The following TBL1X variants were observed in gnomAD, a reference collection of about 807,000 sequenced individuals.
The protein encoded by TBL1X is F-box-like/WD repeat-containing protein TBL1X.
In TBL1X, 10 loss-of-function variants were observed where a neutral mutation model predicts 50.7. The observed-to-expected ratio is 0.20, with a 90% CI of 0.12 to 0.33. The LOEUF is 0.33. Among genes scored for constraint, TBL1X ranks in the 10% least tolerant of loss-of-function variants. The pLI is 1.00. For missense variants in TBL1X, 340 were observed against 504.4 expected (o/e 0.67, Z 3.12); for synonymous variants, 190 against 214.7 (o/e 0.88, Z 1.01).
At position 9,655,130 on chromosome X, in the gene TBL1X, G is replaced by A. The variant is rs187288420; in HGVS notation, c.211+808G>A. On this transcript the variant is annotated intron_variant, in intron 5 of 17. Transcript: ENST00000645353. ...CTCCACGTGTTTATTACACACAGCC[G>A]TTTTCCTAAGCGACATACGGTGCAG... is the stretch of plus-strand genomic sequence containing the variant. 2.0e-3 allele frequency among the ~76,000 whole-genome samples: 227 copies of A among 111,362 alleles called. 1 individual carries two copies. The highest frequency in any genetic ancestry group is 6.4e-3 in the African/African-American group (197 of 30,590).
At chrX:9,652,125 T>C (rs746910020) in intron 3 of TBL1X, among the ~76,000 whole-genome samples, 1 of 112,335 alleles carries the variant, frequency 8.9e-6, no homozygotes, top group Non-Finnish European at 1.9e-5. Context: ...ATTCAGTTCC[T>C]GTGGCTGCAG....
chrX:9,651,011 CTTTTTTTTTTTTTTTTTTTTTTTT>C (rs572743375), intron 3 of TBL1X, among the ~76,000 whole-genome samples: 1 of 30,915 alleles, frequency 3.2e-5, no homozygotes, highest in African/African-American at 1.4e-4. Context: ...AGCTGCCAGC[CTTTTTTTTTTTTTTTTTTTTTTTT>C]TTTTTTTTTT....
In TBL1X at chrX:9,652,604, C is replaced by T. The variant is rs187622247; in HGVS notation, c.-42-941C>T. Reference sequence around the variant, plus strand: ...GGGCGTGGCGGCTCACGCCTGAAATCCCACCACTTTGGAAGTCTGAGGCAG... The same window carrying T: ...GGGCGTGGCGGCTCACGCCTGAAATTCCACCACTTTGGAAGTCTGAGGCAG... On this transcript the variant is annotated intron_variant, in intron 3 of 17. Transcript: ENST00000645353. 5.9e-4 allele frequency among the ~76,000 whole-genome samples: 66 copies of T among 112,310 alleles called. No individual in the cohort carries two copies. In the East Asian group the frequency reaches 0.018, roughly 31 times the overall value.
intron 2 of TBL1X, among the ~76,000 whole-genome samples, chrX:9,504,859 G>A (rs2082018461): frequency 8.9e-6 from 1 of 111,892 alleles, no homozygotes; most frequent in African/African-American, 3.3e-5. Flanking sequence ...AGGAGGTGGG[G>A]AGAATGGAAA....
intron 2 of TBL1X, among the ~76,000 whole-genome samples, chrX:9,594,180 G>A (rs1263784688): frequency 3.6e-5 from 4 of 112,671 alleles, no homozygotes; most frequent in East Asian, 2.8e-4. Flanking sequence ...GCTGTAATGC[G>A]CCAGGGCAAA....
chrX:9,589,007 C>T (rs920170592), intron 2 of TBL1X, among the ~76,000 whole-genome samples: 1 of 111,116 alleles, frequency 9.0e-6, no homozygotes, highest in African/African-American at 3.3e-5. Context: ...GATCCTAATC[C>T]CTGCCCTGAC....
chrX:9,651,278 C>G lies in TBL1X; in HGVS notation c.-42-2267C>G, dbSNP rs757523918. Among the ~76,000 whole-genome samples the G allele has an allele frequency of 2.7e-5, 3 of 111,608 alleles. No individual in the cohort carries two copies. The South Asian group carries it at 1.1e-3, about 41-fold the overall frequency. ...CAGGCAGGTCTCAAACTCCTGGGCTCAAGCGATCCGCCTGCCTCGGCCTCC... is the reference window on the plus strand; with the variant it reads ...CAGGCAGGTCTCAAACTCCTGGGCTGAAGCGATCCGCCTGCCTCGGCCTCC... On this transcript the variant is annotated intron_variant, in intron 3 of 17. Coordinates refer to ENST00000645353, the MANE Select transcript of TBL1X (RefSeq NM_005647.4).
intron 6 of TBL1X, among the ~76,000 whole-genome samples, chrX:9,686,685 G>A (rs1019193897): frequency 7.1e-5 from 8 of 112,687 alleles, no homozygotes; most frequent in Non-Finnish European, 1.1e-4. Context: ...ATGACAGAGC[G>A]AGACCCCGTC....
Position 9,688,012 on chromosome X carries a change from C to T in TBL1X, c.358-5C>T, listed in dbSNP as rs181510851. Reference sequence around the variant, plus strand: ...TGACAGCTGTACCTTGGCTTGCTTCCCCAGGATGGCACAGTGTTCGACGGC... The same window carrying T: ...TGACAGCTGTACCTTGGCTTGCTTCTCCAGGATGGCACAGTGTTCGACGGC... On this transcript the variant is annotated splice_polypyrimidine_tract_variant and splice_region_variant and intron_variant, in intron 6 of 17. Coordinates refer to ENST00000645353, the MANE Select transcript of TBL1X (RefSeq NM_005647.4). The T allele has an allele frequency of 3.3e-6, 4 of 1,201,046 alleles. No homozygotes were observed. The highest frequency in any genetic ancestry group is 4.5e-6 in the Non-Finnish European group (4 of 889,637).
intron 4 of TBL1X, 78 bp downstream of exon 4, chrX:9,653,767 C>A: frequency 1.1e-6 from 1 of 924,793 alleles, no homozygotes; most frequent in South Asian, 2.3e-5. Flanking sequence ...TGTACTCGGT[C>A]ACCTCTCCAT....
intron 2 of TBL1X, among the ~76,000 whole-genome samples, chrX:9,528,477 T>C (rs1242358427): frequency 9.1e-6 from 1 of 110,170 alleles, no homozygotes; most frequent in Admixed American, 9.7e-5. Flanking sequence ...AGGAAGTGTC[T>C]CTGAAATAGA....
chrX:9,509,158 C>T (rs766767824), intron 2 of TBL1X, among the ~76,000 whole-genome samples: 11 of 107,272 alleles, frequency 1.0e-4, no homozygotes, highest in Admixed American at 6.1e-4. Flanking sequence ...GAGGCCAAGG[C>T]GGACGGATCA....
rs6640469 is a variant in TBL1X at position 9,692,704 on chromosome X, G to A, written c.892-445G>A. On this transcript the variant is annotated intron_variant, in intron 9 of 17. Transcript: ENST00000645353. ...ATTATAGGCGTGAGCCACTGCCCCCGGCCAGTCTTGGCTTCTAAGAGCTAT... is the reference window on the plus strand; with the variant it reads ...ATTATAGGCGTGAGCCACTGCCCCCAGCCAGTCTTGGCTTCTAAGAGCTAT... Among the ~76,000 whole-genome samples the A allele has an allele frequency of 4.1e-4, 46 of 112,851 alleles. No homozygotes were observed. In the East Asian group the frequency reaches 0.012, roughly 29 times the overall value.
At chrX:9,649,073 C>G (rs1601815778) in intron 3 of TBL1X, among the ~76,000 whole-genome samples, 1 of 111,656 alleles carries the variant, frequency 9.0e-6, no homozygotes, top group African/African-American at 3.3e-5. Flanking sequence ...GGACACCCAG[C>G]TGATGGATGG....
chrX:9,623,092 T>C (rs907241706), intron 2 of TBL1X, among the ~76,000 whole-genome samples: 1 of 111,377 alleles, frequency 9.0e-6, no homozygotes, highest in Non-Finnish European at 1.9e-5. Context: ...TGAGATGTGA[T>C]AAAGGTAGGG....
upstream of TBL1X, among the ~76,000 whole-genome samples, chrX:9,464,203 A>G (rs970382133): frequency 1.8e-5 from 2 of 111,074 alleles, no homozygotes; most frequent in Non-Finnish European, 3.8e-5. Flanking sequence ...CTGGGGACTT[A>G]GGTACACCGG....
rs111470982 is a variant in TBL1X, at chrX:9,603,526, G to A, written c.-130-36747G>A. 8.3e-3 allele frequency among the ~76,000 whole-genome samples: 924 copies of A among 111,987 alleles called. 10 individuals are homozygous for A. The highest frequency in any genetic ancestry group is 0.028 in the African/African-American group (859 of 30,859). Reference sequence around the variant, plus strand: ...ACTCTCACAGAACACCGAGGGACACGGTGGAGGCACGCCGGACCCGGGCTG... The same window carrying A: ...ACTCTCACAGAACACCGAGGGACACAGTGGAGGCACGCCGGACCCGGGCTG... On this transcript the variant is annotated intron_variant, in intron 2 of 17. Coordinates refer to ENST00000645353, the MANE Select transcript of TBL1X (RefSeq NM_005647.4).
chrX:9,679,027 A>G (rs186270409), intron 5 of TBL1X, among the ~76,000 whole-genome samples: 2 of 107,833 alleles, frequency 1.9e-5, no homozygotes, highest in Non-Finnish European at 3.8e-5. Flanking sequence ...TCATGATTAT[A>G]CTCTTTTTTT....
chrX:9,551,856 C>T lies in TBL1X; in HGVS notation c.-131+50007C>T, dbSNP rs139499145. On this transcript the variant is annotated intron_variant, in intron 2 of 17. Transcript: ENST00000645353. ...CCAGAGCATCGAGCATAGTTTCTCC[C>T]CCGGAGACCCTCCAATCTGATCAGA... Among the ~76,000 whole-genome samples, 114 of 111,742 alleles carry T rather than the reference C, an allele frequency of 1.0e-3. 1 individual carries two copies. In the East Asian group the frequency reaches 0.026, roughly 26 times the overall value.
Sources: allele counts gnomAD v4.1 joint callset (sites outside exome capture counted in the v4.1 genomes callset), GRCh38; gene constraint gnomAD v4.1.1; transcripts MANE v1.5; gene names NCBI Gene and HGNC (gene_info 2026-07-23, HGNC 2026-07-21).